LYG1: variants seen among roughly 807,000 people sequenced by gnomAD.
LYG1 encodes lysozyme g1, also known as lysozyme g-like protein 1.
Under a neutral mutation model 21.7 loss-of-function variants are expected in LYG1, and 17 were observed. The ratio of observed to expected loss-of-function variants is 0.78; its 90% CI spans 0.54 to 1.18. The LOEUF is 1.18. Among genes scored for constraint, LYG1 ranks in the 50% most tolerant of loss-of-function variants. The probability of loss-of-function intolerance (pLI) is 0.00; values close to 1 mark genes in which losing one functional copy is unlikely to be tolerated. For missense variants in LYG1, 211 were observed against 238.1 expected (o/e 0.89, Z 0.75); for synonymous variants, 81 against 87.4 (o/e 0.93, Z 0.41).
In LYG1 at chr2:99,291,377, G is replaced by A. The variant is rs1455374336; in HGVS notation, c.193C>T (p.Leu65Phe). 1 of 1,614,014 alleles carries A rather than the reference G, an allele frequency of 6.2e-7. No individual in the cohort carries two copies. The highest frequency in any genetic ancestry group is 8.5e-7 in the Non-Finnish European group (1 of 1,180,042). ...ERLAEIDMPY[L>F]LKYQPMMQTI... Reference sequence around the variant, plus strand: ...TGCATCATGGGTTGATATTTCAGGAGGTATGGCATGTCTATTTCAGCCAGC... The same window carrying A: ...TGCATCATGGGTTGATATTTCAGGAAGTATGGCATGTCTATTTCAGCCAGC... Residue 65 changes from leucine (L) to phenylalanine (F), a missense_variant, in exon 5 of 7, where the codon CTC (leucine) becomes TTC (phenylalanine). Coordinates refer to ENST00000308528, the MANE Select transcript of LYG1 (RefSeq NM_174898.3).
chr2:99,303,711 T>C (rs929924562), upstream of LYG1, among the ~76,000 whole-genome samples: 1 of 152,194 alleles, frequency 6.6e-6, no homozygotes, highest in Admixed American at 6.5e-5. Flanking sequence ...GTGACGGGGC[T>C]ATGGCTTGGC....
At chr2:99,290,245 C>T (rs1450610016) in intron 5 of LYG1, among the ~76,000 whole-genome samples, 1 of 152,130 alleles carries the variant, frequency 6.6e-6, no homozygotes, top group Non-Finnish European at 1.5e-5. Context: ...GACAGAACAG[C>T]GCAGCAGAAA....
chr2:99,285,745 ACTT>A (rs1323810721), intron 5 of LYG1, among the ~76,000 whole-genome samples: 1 of 152,208 alleles, frequency 6.6e-6, no homozygotes, highest in Non-Finnish European at 1.5e-5. Flanking sequence ...TTTGCAATAA[ACTT>A]CTTCGCCTAC....
chr2:99,298,780 T>C (rs968828805), intron 1 of LYG1, among the ~76,000 whole-genome samples: 2 of 152,188 alleles, frequency 1.3e-5, no homozygotes, highest in Admixed American at 1.3e-4. Context: ...CCTGTATGCA[T>C]CCACATTAGG....
Position 99,286,929 on chromosome 2 carries a change from A to C in LYG1, c.334-2109T>G, listed in dbSNP as rs114807912. 3.5e-3 allele frequency among the ~76,000 whole-genome samples: 534 copies of C among 152,332 alleles called. 3 individuals are homozygous for C. Among genetic ancestry groups the C allele is most frequent in the African/African-American group, 0.012 (519 of 41,556 alleles). ...ATACACATATCATGGAAGATTATTC[A>C]ACCTTAAAAAGAAGGAAATCCTGCA... is the stretch of plus-strand genomic sequence containing the variant. On this transcript the variant is annotated intron_variant, in intron 5 of 6. Transcript: ENST00000308528.
chr2:99,303,939 A>G (rs1163238130), upstream of LYG1, among the ~76,000 whole-genome samples: 10 of 152,170 alleles, frequency 6.6e-5, no homozygotes, highest in Admixed American at 5.2e-4. Context: ...TGGGAGGCCC[A>G]GGCAGGCGGA....
At chr2:99,289,182 G>A (rs1316785139) in intron 5 of LYG1, among the ~76,000 whole-genome samples, 3 of 152,046 alleles carry the variant, frequency 2.0e-5, no homozygotes, top group Non-Finnish European at 1.5e-5. Context: ...ATCTGTGGCC[G>A]GGTAAAGTGG....
intron 5 of LYG1, among the ~76,000 whole-genome samples, chr2:99,286,417 C>T (rs994841085): frequency 6.6e-6 from 1 of 152,046 alleles, no homozygotes; most frequent in African/African-American, 2.4e-5. Flanking sequence ...ATTAGAACTA[C>T]CATATGGTCT....
At chr2:99,290,214 A>G (rs1229281951) in intron 5 of LYG1, among the ~76,000 whole-genome samples, 1 of 152,178 alleles carries the variant, frequency 6.6e-6, no homozygotes, top group Non-Finnish European at 1.5e-5. Context: ...CCTTTCCTCA[A>G]AAGCCAGATT....
At position 99,284,740 on chromosome 2, in the gene LYG1, G is replaced by A. The variant is rs558273038; in HGVS notation, c.414C>T (p.Ile138=). Residue 138 remains isoleucine (I), a synonymous_variant, in exon 6 of 7, where the codon ATC becomes ATT. Transcript: ENST00000308528. ...SQTTEVLTTR[I]KEIQRRFPTW... is the part of the protein sequence containing the mutation. The stretch of plus-strand genomic sequence containing the variant: ...TTGGAAACCTCCTCTGGATTTCTTT[G>A]ATTCTAGTAGTCAGAACTTCAGTTG... 1.9e-6 allele frequency: 3 copies of A among 1,613,970 alleles called. No individual in the cohort carries two copies. The highest frequency in any genetic ancestry group is 1.3e-5 in the African/African-American group (1 of 74,932).
upstream of LYG1, among the ~76,000 whole-genome samples, chr2:99,301,359 T>C: frequency 6.7e-6 from 1 of 149,726 alleles, no homozygotes; most frequent in African/African-American, 2.5e-5. Context: ...CATCATTTTC[T>C]GGGAATGTGG....
Position 99,291,389 on chromosome 2 carries a change from C to T in LYG1, c.181G>A (p.Asp61Asn). Residue 61 changes from aspartate to asparagine, a missense_variant, in exon 5 of 7, where the codon GAC becomes AAC. Coordinates refer to ENST00000308528, the MANE Select transcript of LYG1 (RefSeq NM_174898.3). ...VRASERLAEI[D>N]MPYLLKYQPM... is the part of the protein sequence containing the mutation. ...TGATATTTCAGGAGGTATGGCATGT[C>T]TATTTCAGCCAGCCTTTCAGAAGCA... The T allele has an allele frequency of 2.5e-6, 4 of 1,614,148 alleles. No individual in the cohort carries two copies. Among genetic ancestry groups the T allele is most frequent in the Non-Finnish European group, 3.4e-6 (4 of 1,180,020 alleles).
chr2:99,285,579 A>G (rs1356775105), intron 5 of LYG1, among the ~76,000 whole-genome samples: 1 of 152,218 alleles, frequency 6.6e-6, no homozygotes, highest in African/African-American at 2.4e-5. Flanking sequence ...GCACAACAAT[A>G]GCGCATGTGC....
At chr2:99,290,147 T>C (rs1317262896) in intron 5 of LYG1, among the ~76,000 whole-genome samples, 1 of 152,194 alleles carries the variant, frequency 6.6e-6, no homozygotes, top group Non-Finnish European at 1.5e-5. Context: ...CATGAGCCAC[T>C]GCGCCTGACC....
At chr2:99,285,991 G>A (rs1236358874) in intron 5 of LYG1, among the ~76,000 whole-genome samples, 1 of 152,142 alleles carries the variant, frequency 6.6e-6, no homozygotes, top group Non-Finnish European at 1.5e-5. Flanking sequence ...TTTAAGAGGT[G>A]ATTAGATTAA....
intron 5 of LYG1, among the ~76,000 whole-genome samples, chr2:99,288,360 A>G (rs1260125431): frequency 3.3e-5 from 5 of 152,152 alleles, no homozygotes; most frequent in African/African-American, 1.2e-4. Context: ...GCATATTCAA[A>G]TGCTTTAAGT....
intron 2 of LYG1, among the ~76,000 whole-genome samples, chr2:99,296,208 T>C (rs1009479726): frequency 1.3e-5 from 2 of 152,124 alleles, no homozygotes; most frequent in Admixed American, 6.5e-5. Context: ...GGAAGACGTT[T>C]CCCACTGCTC....
At chr2:99,296,230 TG>T (rs1170785520) in intron 2 of LYG1, among the ~76,000 whole-genome samples, 1 of 152,120 alleles carries the variant, frequency 6.6e-6, no homozygotes, top group Non-Finnish European at 1.5e-5. Flanking sequence ...AACCCCAGCC[TG>T]GAATCACAGA....
intron 2 of LYG1, among the ~76,000 whole-genome samples, chr2:99,296,537 C>T (rs1196593361): frequency 6.6e-6 from 1 of 152,104 alleles, no homozygotes; most frequent in East Asian, 1.9e-4. Context: ...TACTGGCTAC[C>T]AAACCAATAC....
Sources: allele counts gnomAD v4.1 joint callset (sites outside exome capture counted in the v4.1 genomes callset), GRCh38; gene constraint gnomAD v4.1.1; transcripts MANE v1.5; gene names NCBI Gene and HGNC (gene_info 2026-07-23, HGNC 2026-07-21).